The following ZC3H13 variants were observed in gnomAD, a reference collection of about 807,000 sequenced individuals.
ZC3H13 encodes zinc finger CCCH-type containing 13, also known as zinc finger CCCH domain-containing protein 13.
ZC3H13 carries 64 observed loss-of-function variants against 204.1 expected under a neutral mutation model. That is an observed-to-expected ratio of 0.31 (90% CI 0.26 to 0.39). ZC3H13 has a LOEUF of 0.39. Ranked by LOEUF, ZC3H13 falls within the 10% of genes least tolerant of loss-of-function variation. The pLI, the probability that ZC3H13 is intolerant of heterozygous loss-of-function variation, is 1.00. For synonymous variants in ZC3H13, 667 were observed against 693.7 expected (o/e 0.96, Z 0.60); for missense variants, 1,833 against 2,082.7 (o/e 0.88, Z 2.33).
chr13:46,019,750 ATTTC>A (rs1416132744), intron 5 of ZC3H13, among the ~76,000 whole-genome samples: 6 of 152,056 alleles, frequency 3.9e-5, no homozygotes, highest in African/African-American at 1.2e-4. Context: ...TGTCAGGCTA[ATTTC>A]TTTGTTTTTT....
intron 6 of ZC3H13, among the ~76,000 whole-genome samples, chr13:46,011,172 C>T (rs1175843729): frequency 1.3e-5 from 2 of 152,144 alleles, no homozygotes; most frequent in Non-Finnish European, 2.9e-5. Context: ...GTTACATTAG[C>T]TGGTGACTCT....
At chr13:46,045,096 T>A in intron 2 of ZC3H13, 32 bp from the exon 3 acceptor site, 1 of 1,545,304 alleles carries the variant, frequency 6.5e-7, no homozygotes, top group Non-Finnish European at 8.8e-7. Flanking sequence ...GTAAATTTCA[T>A]ATTTATTTCT....
At chr13:46,050,360 T>C (rs1306294112) in intron 1 of ZC3H13, among the ~76,000 whole-genome samples, 1 of 152,178 alleles carries the variant, frequency 6.6e-6, no homozygotes, top group African/African-American at 2.4e-5. Flanking sequence ...AATAAACACA[T>C]ATGCGTTCTA....
chr13:45,994,978 C>A (rs769985736), intron 8 of ZC3H13, among the ~76,000 whole-genome samples: 2 of 147,214 alleles, frequency 1.4e-5, no homozygotes, highest in Non-Finnish European at 3.0e-5. Flanking sequence ...GTCACAGGAG[C>A]CAAAATTCTT....
At chr13:45,994,074 C>T (rs1427333383) in intron 8 of ZC3H13, among the ~76,000 whole-genome samples, 1 of 152,220 alleles carries the variant, frequency 6.6e-6, no homozygotes, top group African/African-American at 2.4e-5. Context: ...ACAACGCCTC[C>T]TTTTTGCACT....
chr13:46,050,513 T>C (rs1467940905), intron 1 of ZC3H13, among the ~76,000 whole-genome samples: 1 of 152,148 alleles, frequency 6.6e-6, no homozygotes, highest in Admixed American at 6.5e-5. Context: ...TAAAACTACA[T>C]GAATGTACTA....
intron 15 of ZC3H13, among the ~76,000 whole-genome samples, chr13:45,966,277 CAAATA>C (rs774399293): frequency 1.3e-4 from 20 of 152,022 alleles, no homozygotes; most frequent in Non-Finnish European, 1.3e-4. Flanking sequence ...GAATTTGCAG[CAAATA>C]AAATATAAGA....
At chr13:45,967,045 C>T (rs2137853813) in intron 15 of ZC3H13, among the ~76,000 whole-genome samples, 1 of 152,226 alleles carries the variant, frequency 6.6e-6, no homozygotes, top group South Asian at 2.1e-4. Flanking sequence ...GGATTCTAGT[C>T]AATCCTACAT....
chr13:46,023,578 CCT>C (rs1326484880), intron 4 of ZC3H13, among the ~76,000 whole-genome samples: 4 of 152,032 alleles, frequency 2.6e-5, no homozygotes, highest in Non-Finnish European at 5.9e-5. Flanking sequence ...TTCCAACTCC[CCT>C]GACTTAGAAT....
At chr13:46,038,734 A>G (rs1248277713) in intron 4 of ZC3H13, among the ~76,000 whole-genome samples, 1 of 152,194 alleles carries the variant, frequency 6.6e-6, no homozygotes, top group Non-Finnish European at 1.5e-5. Flanking sequence ...AACACTAAAA[A>G]TAATTAATAC....
chr13:46,006,848 T>C (rs1454454391), intron 7 of ZC3H13, among the ~76,000 whole-genome samples: 1 of 151,044 alleles, frequency 6.6e-6, no homozygotes, highest in Admixed American at 6.6e-5. Context: ...GCGTTAACCA[T>C]GTAAACAAGT....
chr13:46,029,313 C>A (rs2042730247), intron 4 of ZC3H13, among the ~76,000 whole-genome samples: 1 of 152,034 alleles, frequency 6.6e-6, no homozygotes, highest in Admixed American at 6.5e-5. Context: ...TAATTAATAA[C>A]CTTTCAAAAC....
intron 4 of ZC3H13, among the ~76,000 whole-genome samples, chr13:46,025,335 CT>C (rs1053364777): frequency 2.6e-5 from 4 of 152,160 alleles, no homozygotes; most frequent in African/African-American, 9.7e-5. Flanking sequence ...GAGACAGGGT[CT>C]TGTTCTATGA....
At chr13:45,961,575 T>G (rs913571850) in intron 17 of ZC3H13, among the ~76,000 whole-genome samples, 8 of 3,582 alleles carry the variant, frequency 2.2e-3, no homozygotes, top group Admixed American at 3.4e-3. Context: ...TGGGGAGATG[T>G]GGGGGTGGGG....
chr13:45,962,841 C>T (rs928418173), intron 17 of ZC3H13: 4 of 985,242 alleles, frequency 4.1e-6, no homozygotes, highest in Non-Finnish European at 3.6e-6. Context: ...ACCATCTACT[C>T]GTCCCTCCCC....
chr13:46,022,160 A>G (rs181689537), intron 4 of ZC3H13, among the ~76,000 whole-genome samples: 124 of 151,948 alleles, frequency 8.2e-4, no homozygotes, highest in Admixed American at 2.0e-3. Context: ...TTTACCCTAA[A>G]TATTAAAATT....
intron 18 of ZC3H13, among the ~76,000 whole-genome samples, chr13:45,959,196 A>G (rs979675633): frequency 9.2e-5 from 14 of 152,156 alleles, no homozygotes; most frequent in Admixed American, 6.5e-4. Flanking sequence ...TTGAGTTTCA[A>G]TTTAAATAAA....
chr13:46,007,269 T>G (rs926759961), intron 7 of ZC3H13, among the ~76,000 whole-genome samples: 1 of 152,214 alleles, frequency 6.6e-6, no homozygotes, highest in Non-Finnish European at 1.5e-5. Context: ...GTGGAAATGA[T>G]GTATACCACC....
intron 8 of ZC3H13, among the ~76,000 whole-genome samples, chr13:45,999,308 CAT>C (rs2040574562): frequency 6.6e-6 from 1 of 152,176 alleles, no homozygotes; most frequent in East Asian, 1.9e-4. Context: ...ACAGCACACA[CAT>C]ACACAAAAAA....
Sources: allele counts gnomAD v4.1 joint callset (sites outside exome capture counted in the v4.1 genomes callset), GRCh38; gene constraint gnomAD v4.1.1; transcripts MANE v1.5; gene names NCBI Gene and HGNC (gene_info 2026-07-23, HGNC 2026-07-21).